LDLRAD3: variants seen among roughly 807,000 people sequenced by gnomAD.
LDLRAD3 encodes the protein low-density lipoprotein receptor class A domain-containing protein 3.
Under a neutral mutation model 29.4 loss-of-function variants are expected in LDLRAD3, and 20 were observed. The observed-to-expected ratio is 0.68, with a 90% CI of 0.48 to 0.99. LDLRAD3 has a LOEUF of 0.99. LDLRAD3 is among the 50% of genes least tolerant of loss of function. The pLI, the probability that LDLRAD3 is intolerant of heterozygous loss-of-function variation, is 0.00. For missense variants in LDLRAD3, 420 were observed against 454.3 expected, an observed-to-expected ratio of 0.92 and a Z score of 0.69; for synonymous variants, 157 against 192.7, an observed-to-expected ratio of 0.81 and a Z score of 1.53.
intron 4 of LDLRAD3, among the ~76,000 whole-genome samples, chr11:36,141,996 T>C (rs1232397372): frequency 6.6e-6 from 1 of 152,222 alleles, no homozygotes; most frequent in Non-Finnish European, 1.5e-5. Context: ...TTGGGACCTT[T>C]CCCTGAATCT....
intron 2 of LDLRAD3, among the ~76,000 whole-genome samples, chr11:36,052,451 A>C (rs1852542672): frequency 6.6e-6 from 1 of 152,228 alleles, no homozygotes; most frequent in African/African-American, 2.4e-5. Flanking sequence ...AAATATTGCC[A>C]ATAAGATTAT....
intron 4 of LDLRAD3, among the ~76,000 whole-genome samples, chr11:36,147,614 G>C (rs1854217071): frequency 6.6e-6 from 1 of 152,202 alleles, no homozygotes; most frequent in Non-Finnish European, 1.5e-5. Context: ...CCTACACATA[G>C]TATCATGTAC....
At chr11:35,948,685 G>A (rs1449633519) in intron 1 of LDLRAD3, among the ~76,000 whole-genome samples, 1 of 152,014 alleles carries the variant, frequency 6.6e-6, no homozygotes, top group African/African-American at 2.4e-5. Context: ...CTGCTTGGTC[G>A]GGGGAGAGCA....
At chr11:36,130,034 G>A (rs1004705979) in intron 4 of LDLRAD3, among the ~76,000 whole-genome samples, 2 of 152,236 alleles carry the variant, frequency 1.3e-5, no homozygotes, top group Non-Finnish European at 2.9e-5. Flanking sequence ...GAACTCAGGA[G>A]GGGCTCAGTC....
chr11:35,971,138 C>T (rs1343152663), intron 1 of LDLRAD3, among the ~76,000 whole-genome samples: 2 of 152,312 alleles, frequency 1.3e-5, no homozygotes, highest in East Asian at 3.9e-4. Flanking sequence ...CCTGATCTCT[C>T]TAATTCTGCC....
intron 1 of LDLRAD3, among the ~76,000 whole-genome samples, chr11:35,959,862 G>C (rs1016144983): frequency 1.3e-5 from 2 of 152,130 alleles, no homozygotes; most frequent in Admixed American, 1.3e-4. Flanking sequence ...AACCCAGAAG[G>C]CTGAGGTTGC....
At chr11:36,071,596 T>G (rs1462936456) in intron 2 of LDLRAD3, among the ~76,000 whole-genome samples, 1 of 152,248 alleles carries the variant, frequency 6.6e-6, no homozygotes, top group East Asian at 1.9e-4. Flanking sequence ...CAACATATTA[T>G]GTAGCAAAAA....
At chr11:36,193,742 C>A (rs1193518540) in intron 4 of LDLRAD3, among the ~76,000 whole-genome samples, 2 of 152,184 alleles carry the variant, frequency 1.3e-5, no homozygotes, top group African/African-American at 4.8e-5. Flanking sequence ...CTTGTCTTAG[C>A]AGCCTTTGGG....
At chr11:36,139,771 AGGGTGAAG>A (rs1456160475) in intron 4 of LDLRAD3, among the ~76,000 whole-genome samples, 1 of 152,124 alleles carries the variant, frequency 6.6e-6, no homozygotes, top group African/African-American at 2.4e-5. Flanking sequence ...CCAGGAGACG[AGGGTGAAG>A]GGATAGCGTG....
At chr11:35,994,577 T>G (rs1590713219) in intron 1 of LDLRAD3, among the ~76,000 whole-genome samples, 1 of 152,136 alleles carries the variant, frequency 6.6e-6, no homozygotes, top group Non-Finnish European at 1.5e-5. Flanking sequence ...AAGGTTGGGG[T>G]GGCTGTGGCA....
intron 2 of LDLRAD3, among the ~76,000 whole-genome samples, chr11:36,058,114 C>T (rs1852648058): frequency 6.6e-6 from 1 of 152,212 alleles, no homozygotes; most frequent in Non-Finnish European, 1.5e-5. Flanking sequence ...CCAGATTGCA[C>T]ATGAAATCAA....
intron 1 of LDLRAD3, among the ~76,000 whole-genome samples, chr11:35,978,026 A>C (rs1015754278): frequency 2.6e-5 from 4 of 152,174 alleles, no homozygotes; most frequent in African/African-American, 7.2e-5. Flanking sequence ...TCACCGTGGC[A>C]GACTCCAGGA....
intron 4 of LDLRAD3, among the ~76,000 whole-genome samples, chr11:36,170,623 C>A (rs756672412): frequency 6.6e-6 from 1 of 151,994 alleles, no homozygotes; most frequent in African/African-American, 2.4e-5. Context: ...TTCCTACCAG[C>A]GATATAAAAG....
At chr11:36,109,182 A>G (rs1366045822) in intron 4 of LDLRAD3, among the ~76,000 whole-genome samples, 3 of 152,230 alleles carry the variant, frequency 2.0e-5, no homozygotes, top group African/African-American at 7.2e-5. Flanking sequence ...AAGAGAGCTC[A>G]GAAGAACCGG....
chr11:36,121,457 A>AT (rs1218734783), intron 4 of LDLRAD3, among the ~76,000 whole-genome samples: 1 of 152,198 alleles, frequency 6.6e-6, no homozygotes, highest in Non-Finnish European at 1.5e-5. Context: ...AAATGCCATC[A>AT]TGTAAGCACG....
intron 1 of LDLRAD3, among the ~76,000 whole-genome samples, chr11:35,986,966 C>A (rs185420299): frequency 1.3e-5 from 2 of 152,198 alleles, no homozygotes; most frequent in Non-Finnish European, 2.9e-5. Flanking sequence ...TCTCTCACAC[C>A]GGGCTGTCTG....
In LDLRAD3 at chr11:35,974,761, C is replaced by G. The variant is rs566118259; in HGVS notation, c.46+30617C>G. On this transcript the variant is annotated intron_variant, in intron 1 of 5. Coordinates refer to ENST00000315571, the MANE Select transcript of LDLRAD3 (RefSeq NM_174902.4). ...AGCATGATGGGAGCTGCAATACACA[C>G]ATCTGGTCACCTTCCATTTATGGAT... 2.0e-5 allele frequency among the ~76,000 whole-genome samples: 3 copies of G among 152,340 alleles called. No individual in the cohort carries two copies. In the South Asian group the frequency reaches 6.2e-4, roughly 32 times the overall value.
intron 2 of LDLRAD3, among the ~76,000 whole-genome samples, chr11:36,048,404 G>A (rs1162133778): frequency 3.3e-5 from 5 of 152,158 alleles, no homozygotes; most frequent in Non-Finnish European, 5.9e-5. Flanking sequence ...TGCCCAGGAG[G>A]TGAGAAGAAT....
chr11:36,215,807 C>T (rs1262125857), intron 4 of LDLRAD3, among the ~76,000 whole-genome samples: 1 of 152,210 alleles, frequency 6.6e-6, no homozygotes, highest in Non-Finnish European at 1.5e-5. Flanking sequence ...AAGTTTTCTG[C>T]ACTCTGAAGC....
Sources: allele counts gnomAD v4.1 joint callset (sites outside exome capture counted in the v4.1 genomes callset), GRCh38; gene constraint gnomAD v4.1.1; transcripts MANE v1.5; gene names NCBI Gene and HGNC (gene_info 2026-07-23, HGNC 2026-07-21).